Variants in CNBD1 observed in about 807,000 individuals in gnomAD.
The protein encoded by CNBD1 is cyclic nucleotide-binding domain-containing protein 1.
Under a neutral mutation model 54.4 loss-of-function variants are expected in CNBD1, and 71 were observed. The observed-to-expected ratio is 1.30, with a 90% CI of 1.08 to 1.59. CNBD1 has a LOEUF of 1.59. Ranked by LOEUF, CNBD1 falls within the 40% of genes most tolerant of loss-of-function variation. The pLI is 0.00. For synonymous variants in CNBD1, 182 were observed against 170.7 expected (o/e 1.07, Z -0.51); for missense variants, 659 against 518.0 (o/e 1.27, Z -2.64).
At chr8:87,365,677 A>T (rs561203749) in intron 10 of CNBD1, among the ~76,000 whole-genome samples, 10 of 152,132 alleles carry the variant, frequency 6.6e-5, no homozygotes, top group African/African-American at 2.4e-4. Context: ...CACAATTTTG[A>T]TGTATTCAGG....
chr8:87,218,408 A>G (rs1310426188), intron 5 of CNBD1, among the ~76,000 whole-genome samples: 1 of 152,118 alleles, frequency 6.6e-6, no homozygotes, highest in Non-Finnish European at 1.5e-5. Flanking sequence ...ACTAATGATT[A>G]TCATTCAATT....
intron 4 of CNBD1, among the ~76,000 whole-genome samples, chr8:87,133,084 A>G (rs1812154000): frequency 6.8e-6 from 1 of 146,200 alleles, no homozygotes; most frequent in South Asian, 2.2e-4. Context: ...TTTTAGTTCT[A>G]TAATTTTTAT....
chr8:87,308,198 G>A lies in CNBD1; in HGVS notation c.1042+21527G>A, dbSNP rs532897897. Among the ~76,000 whole-genome samples the A allele has an allele frequency of 8.5e-5, 13 of 152,200 alleles. No homozygotes were observed. In the South Asian group the frequency reaches 1.9e-3, roughly 22 times the overall value. ...ACAATGAACAATTTACTTGGGCCAG[G>A]GGATGGAATTTGTTGTTCAGTTATT... On this transcript the variant is annotated intron_variant, in intron 8 of 10. Transcript: ENST00000518476.
Position 87,206,009 on chromosome 8 carries a change from C to G in CNBD1, c.448C>G (p.Pro150Ala). 6.4e-7 allele frequency: 1 copy of G among 1,552,660 alleles called. No homozygotes were observed. The highest frequency in any genetic ancestry group is 8.7e-7 in the Non-Finnish European group (1 of 1,152,314). The change falls in exon 5 of 11, where the codon CCA becomes GCA. Residue 150 changes from proline to alanine, a missense_variant. Transcript: ENST00000518476. ...TTTTTTGAGGCCCATTCACAGGACG[C>G]CATATGAACACAAAACTGTGTGGAA... Reference protein sequence around the residue: ...ILKKLPIHRTPYEHKTVWKFL... With the variant: ...ILKKLPIHRTAYEHKTVWKFL...
intron 4 of CNBD1, among the ~76,000 whole-genome samples, chr8:87,065,271 CTGT>C (rs963219592): frequency 3.3e-5 from 5 of 151,712 alleles, no homozygotes; most frequent in African/African-American, 1.2e-4. Flanking sequence ...GTCTGTTTTT[CTGT>C]TGTTTTGTTT....
chr8:87,359,951 A>G (rs62526811), intron 10 of CNBD1, among the ~76,000 whole-genome samples: 6,658 of 152,134 alleles, frequency 0.044, 189 homozygotes, highest in Non-Finnish European at 0.06. Context: ...TTCACTTTCT[A>G]ATTTTTCAAG....
At chr8:87,426,003 C>T (rs890024183) in intron 2 of CNBD1, among the ~76,000 whole-genome samples, 4 of 152,192 alleles carry the variant, frequency 2.6e-5, no homozygotes, top group Admixed American at 6.5e-5. Flanking sequence ...GAGCCAGGTG[C>T]AGGATATAAT....
At chr8:87,183,307 G>A (rs1813395292) in intron 4 of CNBD1, among the ~76,000 whole-genome samples, 1 of 150,276 alleles carries the variant, frequency 6.7e-6, no homozygotes, top group South Asian at 2.1e-4. Flanking sequence ...CTGTAGGCTT[G>A]TAGTTTGAAA....
chr8:87,164,211 G>GT (rs1812914308), intron 4 of CNBD1, among the ~76,000 whole-genome samples: 6 of 151,724 alleles, frequency 4.0e-5, no homozygotes, highest in African/African-American at 1.4e-4. Context: ...ATTTCATTGA[G>GT]TTTTTTTGCA....
chr8:87,428,152 A>G (rs1025802933), intron 2 of CNBD1, among the ~76,000 whole-genome samples: 2 of 151,430 alleles, frequency 1.3e-5, no homozygotes, highest in Non-Finnish European at 2.9e-5. Context: ...AAGGCAAAAA[A>G]AGAAAAAAAA....
intron 5 of CNBD1, among the ~76,000 whole-genome samples, chr8:87,235,074 G>A (rs1159642125): frequency 1.3e-5 from 2 of 152,130 alleles, no homozygotes; most frequent in African/African-American, 4.8e-5. Flanking sequence ...CTAGCTCTCA[G>A]CTTTTCATCT....
chr8:87,164,576 G>C (rs1207583151), intron 4 of CNBD1, among the ~76,000 whole-genome samples: 6 of 151,326 alleles, frequency 4.0e-5, no homozygotes, highest in Non-Finnish European at 8.9e-5. Flanking sequence ...CAATTTGTTG[G>C]CATATAATTG....
intron 4 of CNBD1, among the ~76,000 whole-genome samples, chr8:86,986,768 A>G (rs1035956469): frequency 2.2e-4 from 33 of 152,074 alleles, no homozygotes; most frequent in African/African-American, 6.3e-4. Context: ...GTTGAACAGG[A>G]TGTTCTTACC....
chr8:87,216,174 TG>T (rs753857306), intron 5 of CNBD1, among the ~76,000 whole-genome samples: 3 of 152,206 alleles, frequency 2.0e-5, no homozygotes, highest in Non-Finnish European at 2.9e-5. Context: ...ACACCAATAA[TG>T]CAAGCCAGCT....
chr8:86,951,299 AATAG>A (rs1365499515), intron 4 of CNBD1, among the ~76,000 whole-genome samples: 1 of 152,082 alleles, frequency 6.6e-6, no homozygotes, highest in Non-Finnish European at 1.5e-5. Context: ...GCAAGAATAT[AATAG>A]ATAGGCTGGG....
chr8:86,961,569 A>G (rs552465390), intron 4 of CNBD1, among the ~76,000 whole-genome samples: 1 of 152,248 alleles, frequency 6.6e-6, no homozygotes, highest in African/African-American at 2.4e-5. Context: ...TGCCAAGGGC[A>G]TCCCGTTTGG....
At chr8:87,057,800 G>C (rs1810452158) in intron 4 of CNBD1, among the ~76,000 whole-genome samples, 2 of 152,076 alleles carry the variant, frequency 1.3e-5, no homozygotes, top group Admixed American at 1.3e-4. Flanking sequence ...AGTGAGCCAA[G>C]ATCATGTCAC....
At chr8:86,873,071 CTGTTTT>C (rs1586102144) in intron 1 of CNBD1, among the ~76,000 whole-genome samples, 1 of 150,182 alleles carries the variant, frequency 6.7e-6, no homozygotes, top group East Asian at 1.9e-4. Context: ...GCACAAGGCC[CTGTTTT>C]TGTTGTTGTT....
At chr8:87,409,008 G>A (rs75410293) in intron 2 of CNBD1, among the ~76,000 whole-genome samples, 5,220 of 152,098 alleles carry the variant, frequency 0.034, 283 homozygotes, top group African/African-American at 0.12. Context: ...TAACCATACA[G>A]TGGCCTCTTA....
Sources: allele counts gnomAD v4.1 joint callset (sites outside exome capture counted in the v4.1 genomes callset), GRCh38; gene constraint gnomAD v4.1.1; transcripts MANE v1.5; gene names NCBI Gene and HGNC (gene_info 2026-07-23, HGNC 2026-07-21).